SUMF2: variants seen among roughly 807,000 people sequenced by gnomAD.
SUMF2 encodes inactive C-alpha-formylglycine-generating enzyme 2.
Under a neutral mutation model 44.8 loss-of-function variants are expected in SUMF2, and 45 were observed. The observed-to-expected ratio is 1.00, with a 90% CI of 0.79 to 1.29. The LOEUF is 1.29. Among genes scored for constraint, SUMF2 ranks in the 50% most tolerant of loss-of-function variants. The pLI is 0.00. For synonymous variants in SUMF2, 148 were observed against 150.4 expected, an observed-to-expected ratio of 0.98 and a Z score of 0.12; for missense variants, 418 against 389.9, an observed-to-expected ratio of 1.07 and a Z score of -0.61.
At position 56,079,521 on chromosome 7, in the gene SUMF2, C is replaced by A. The variant is rs143972395; in HGVS notation, c.822-7C>A. The A allele has an allele frequency of 5.6e-5, 90 of 1,609,798 alleles. 2 individuals are homozygous for A. The African/African-American group carries it at 1.1e-3, about 19-fold the overall frequency. On this transcript the variant is annotated splice_region_variant and splice_polypyrimidine_tract_variant and intron_variant, in intron 8 of 8. Coordinates refer to ENST00000434526, the MANE Select transcript of SUMF2 (RefSeq NM_015411.4). Reference sequence around the variant, plus strand: ...TGTCTGTCCTCTCTCCCCTTCTCTGCTGGCAGGATGGGCAACACTCCAGAT... The same window carrying A: ...TGTCTGTCCTCTCTCCCCTTCTCTGATGGCAGGATGGGCAACACTCCAGAT...
intron 1 of SUMF2, among the ~76,000 whole-genome samples, chr7:56,066,538 C>G (rs756270800): frequency 7.2e-5 from 11 of 152,208 alleles, no homozygotes; most frequent in East Asian, 3.8e-4. Context: ...CCTCCGCCCC[C>G]CCAGGTTCAA....
chr7:56,064,464 G>T (rs1282674781), intron 1 of SUMF2, 86 bp downstream of exon 1: 3 of 1,480,902 alleles, frequency 2.0e-6, no homozygotes, highest in African/African-American at 1.5e-5. Flanking sequence ...AGGCCCTTCT[G>T]CCGGCTTCCG....
rs565238913 is a variant in SUMF2, at chr7:56,080,324, G to A, written c.*712G>A. 1.4e-5 allele frequency: 2 copies of A among 147,906 alleles called. No homozygotes were observed. Among genetic ancestry groups the A allele is most frequent in the East Asian group, 4.2e-4 (2 of 4,800 alleles). The allele number at this position is 147,906 out of a possible 1,614,324, so 9.2% of individuals were successfully genotyped here. ...TCTGTTGCCCAGGCTAGAGTGCACT[G>A]GTGATCACGGCTCACTCTAGCCTTG... On this transcript the variant is annotated 3_prime_UTR_variant, in exon 9 of 9. Coordinates refer to ENST00000434526, the MANE Select transcript of SUMF2 (RefSeq NM_015411.4).
At chr7:56,082,755 C>A (rs1352982507), downstream of SUMF2, among the ~76,000 whole-genome samples, 1 of 152,190 alleles carries the variant, frequency 6.6e-6, no homozygotes, top group Non-Finnish European at 1.5e-5. Context: ...CTGGTCACTT[C>A]TAGCCATCCT....
chr7:56,066,387 G>T (rs1352656426), intron 1 of SUMF2, among the ~76,000 whole-genome samples: 1 of 152,028 alleles, frequency 6.6e-6, no homozygotes, highest in Non-Finnish European at 1.5e-5. Context: ...TTTCTTTTTT[G>T]GATCTTGGTT....
At chr7:56,081,777 A>G (rs747062778), downstream of SUMF2, 12 of 1,571,094 alleles carry the variant, frequency 7.6e-6, no homozygotes, top group African/African-American at 2.7e-5. The surrounding 1 kb of genome is among the most constrained non-coding windows in gnomAD (Gnocchi z 4.6). Context: ...GGAGAGGGGA[A>G]CCGAGAATGT....
At chr7:56,072,946 G>T in intron 2 of SUMF2, 51 bp from the exon 3 acceptor site, 1 of 1,356,760 alleles carries the variant, frequency 7.4e-7, no homozygotes, top group East Asian at 2.3e-5. Flanking sequence ...GGAGAAGATG[G>T]GGTGGGCACA....
rs1453714329 is a variant in SUMF2, at chr7:56,079,848, C to T, written c.*236C>T. On this transcript the variant is annotated 3_prime_UTR_variant, in exon 9 of 9. Coordinates refer to ENST00000434526, the MANE Select transcript of SUMF2 (RefSeq NM_015411.4). ...GACGATGGCTGGGGGCCAGGTGTTTCTGTTAGAGGCCAAGTATTATTGACA... is the reference window on the plus strand; with the variant it reads ...GACGATGGCTGGGGGCCAGGTGTTTTTGTTAGAGGCCAAGTATTATTGACA... 1 of 1,549,846 alleles carries T rather than the reference C, an allele frequency of 6.5e-7. No individual in the cohort carries two copies. Among genetic ancestry groups the T allele is most frequent in the Admixed American group, 2.0e-5 (1 of 50,804 alleles).
rs369946661 is a variant in SUMF2, at chr7:56,078,437, C to T, written c.750C>T (p.Arg250=). 1.9e-5 allele frequency: 31 copies of T among 1,610,268 alleles called. No homozygotes were observed. Among genetic ancestry groups the T allele is most frequent in the African/African-American group, 9.3e-5 (7 of 74,914 alleles). The change falls in exon 8 of 9, where the codon CGC becomes CGT. Residue 250 remains arginine, a synonymous_variant. Transcript: ENST00000434526. ...ACCAGGCTGCTGAGCAGGACATGCGCGTCCTCCGGGGGGCATCCTGGATCG... is the reference window on the plus strand; with the variant it reads ...ACCAGGCTGCTGAGCAGGACATGCGTGTCCTCCGGGGGGCATCCTGGATCG... ...SPYQAAEQDM[R]VLRGASWIDT...
At chr7:56,083,955 T>G (rs1372045333), downstream of SUMF2, among the ~76,000 whole-genome samples, 1 of 152,084 alleles carries the variant, frequency 6.6e-6, no homozygotes, top group Non-Finnish European at 1.5e-5. Context: ...TCATCAACCC[T>G]CCGAGGAATA....
chr7:56,087,098 G>C, the SUMF2 span: 1 of 1,135,702 alleles, frequency 8.8e-7, no homozygotes, highest in Non-Finnish European at 1.3e-6. Context: ...ACGGGGGTCA[G>C]GGACCGAGGC....
chr7:56,076,759 C>A, intron 5 of SUMF2, 75 bp from the exon 6 acceptor site: 1 of 1,384,828 alleles, frequency 7.2e-7, no homozygotes, highest in Non-Finnish European at 1.0e-6. Flanking sequence ...GATTCCCTCA[C>A]TCTTTCTGTG....
downstream of SUMF2, chr7:56,082,211 T>G: frequency 6.2e-7 from 1 of 1,613,824 alleles, no homozygotes; most frequent in Non-Finnish European, 8.5e-7. Flanking sequence ...CATGGAGCAC[T>G]CGATAATCTC....
At chr7:56,084,161 T>G, downstream of SUMF2, 1 of 1,529,718 alleles carries the variant, frequency 6.5e-7, no homozygotes, top group Non-Finnish European at 8.8e-7. Context: ...TGCCCTGCCC[T>G]GGGCCCTGAA....
intron 1 of SUMF2, among the ~76,000 whole-genome samples, chr7:56,066,180 G>A (rs1401859344): frequency 1.3e-5 from 2 of 150,540 alleles, no homozygotes; most frequent in Non-Finnish European, 2.9e-5. Context: ...CAGAATAAGA[G>A]ATCCAAAGAT....
chr7:56,069,963 C>T (rs972040179), intron 2 of SUMF2, among the ~76,000 whole-genome samples: 3 of 152,068 alleles, frequency 2.0e-5, no homozygotes, highest in Admixed American at 6.6e-5. Context: ...GGCTGGAGTG[C>T]AATGGTGCGA....
chr7:56,081,420 C>G, downstream of SUMF2: 1 of 1,329,306 alleles, frequency 7.5e-7, no homozygotes, highest in East Asian at 2.5e-5. The surrounding 1 kb of genome is among the most constrained non-coding windows in gnomAD (Gnocchi z 4.6). Flanking sequence ...GCGGGGCCTT[C>G]CTAGTGTCCC....
At chr7:56,069,965 A>G (rs942888164) in intron 2 of SUMF2, among the ~76,000 whole-genome samples, 1 of 151,864 alleles carries the variant, frequency 6.6e-6, no homozygotes, top group Non-Finnish European at 1.5e-5. Flanking sequence ...CTGGAGTGCA[A>G]TGGTGCGATC....
At chr7:56,084,389 T>TTTTC, downstream of SUMF2, 8 of 562,948 alleles carry the variant, frequency 1.4e-5, no homozygotes, top group Non-Finnish European at 2.2e-5. Context: ...TTTTTTTTTT[T>TTTTC]TTGAGATGGA....
Sources: gnomAD v4.1 joint callset for allele counts (sites outside exome capture counted in the v4.1 genomes callset) on GRCh38, gnomAD v4.1.1 for gene constraint, Gnocchi (gnomAD v3.1) non-coding constraint, MANE v1.5 for transcripts, NCBI Gene and HGNC (gene_info 2026-07-23, HGNC 2026-07-21) for gene names.